Variants in RBBP5 observed in about 807,000 individuals in gnomAD.
The protein encoded by RBBP5 is RB binding protein 5, histone lysine methyltransferase complex subunit, also known as retinoblastoma-binding protein 5.
In RBBP5, 5 loss-of-function variants were observed where a neutral mutation model predicts 72.2. The ratio of observed to expected loss-of-function variants is 0.07; its 90% CI spans 0.04 to 0.15. RBBP5 has a LOEUF of 0.15. RBBP5 is among the 10% of genes least tolerant of loss of function. The pLI, the probability that RBBP5 is intolerant of heterozygous loss-of-function variation, is 1.00. For missense variants in RBBP5, 322 were observed against 652.2 expected, an observed-to-expected ratio of 0.49 and a Z score of 5.51; for synonymous variants, 209 against 237.2, an observed-to-expected ratio of 0.88 and a Z score of 1.09.
chr1:205,089,763 C>CA (rs1230228928), intron 13 of RBBP5, among the ~76,000 whole-genome samples: 1 of 152,196 alleles, frequency 6.6e-6, no homozygotes, highest in Non-Finnish European at 1.5e-5. Context: ...ATAGTTCAGT[C>CA]AGATTAAAAG....
chr1:205,095,122 C>T (rs1047865844), intron 12 of RBBP5, 58 bp from the exon 13 acceptor site: 49 of 1,517,242 alleles, frequency 3.2e-5, no homozygotes, highest in Non-Finnish European at 4.4e-5. Context: ...ATCACCCCAA[C>T]CACAACTTTG....
intron 5 of RBBP5, 80 bp downstream of exon 5, chr1:205,103,776 CA>C: frequency 6.6e-7 from 1 of 1,522,610 alleles, no homozygotes; most frequent in Non-Finnish European, 9.0e-7. Context: ...AGAATAAAAA[CA>C]ATTTTCAAAA....
At chr1:205,114,105 C>T (rs1439402442) in intron 3 of RBBP5, among the ~76,000 whole-genome samples, 1 of 152,226 alleles carries the variant, frequency 6.6e-6, no homozygotes, top group Non-Finnish European at 1.5e-5. Flanking sequence ...AAAGTTTTGG[C>T]CCAGGCCACC....
chr1:205,091,284 T>G (rs1292702760), intron 13 of RBBP5: 3 of 152,274 alleles, frequency 2.0e-5, no homozygotes, highest in Non-Finnish European at 4.4e-5. Flanking sequence ...GTGATTCTGC[T>G]CACATCTCAA....
intron 3 of RBBP5, among the ~76,000 whole-genome samples, chr1:205,111,365 C>T (rs1452513184): frequency 2.6e-5 from 4 of 152,172 alleles, no homozygotes; most frequent in Non-Finnish European, 4.4e-5. Flanking sequence ...AAGGTTTGTA[C>T]TCAAACAGCA....
At chr1:205,102,604 G>A (rs1655879522) in intron 5 of RBBP5, among the ~76,000 whole-genome samples, 1 of 152,180 alleles carries the variant, frequency 6.6e-6, no homozygotes, top group African/African-American at 2.4e-5. Flanking sequence ...TTGCACAATA[G>A]AGTGAATGTA....
intron 13 of RBBP5, among the ~76,000 whole-genome samples, chr1:205,089,250 C>T (rs1026793068): frequency 1.3e-5 from 2 of 152,156 alleles, no homozygotes; most frequent in African/African-American, 2.4e-5. Context: ...GCAAGAAACC[C>T]TTTTCCCAGC....
intron 5 of RBBP5, among the ~76,000 whole-genome samples, chr1:205,102,933 C>T (rs944211931): frequency 2.7e-5 from 4 of 147,742 alleles, no homozygotes; most frequent in African/African-American, 7.5e-5. Flanking sequence ...GGAGAGGTTG[C>T]GGTGAACTGA....
At chr1:205,090,962 A>C (rs1655324483) in intron 13 of RBBP5, among the ~76,000 whole-genome samples, 1 of 152,140 alleles carries the variant, frequency 6.6e-6, no homozygotes, top group Admixed American at 6.5e-5. Context: ...AGATTCAGTA[A>C]GTGACTTGGA....
At chr1:205,090,172 C>T (rs1243573467) in intron 13 of RBBP5, among the ~76,000 whole-genome samples, 1 of 152,150 alleles carries the variant, frequency 6.6e-6, no homozygotes, top group East Asian at 1.9e-4. Context: ...TTTTAAAAAA[C>T]TTCCTGTGAT....
chr1:205,088,101 T>C lies in RBBP5; in HGVS notation c.*686A>G, dbSNP rs1344327825. 3 of 152,164 alleles carry C rather than the reference T, an allele frequency of 2.0e-5. No homozygotes were observed. The highest frequency in any genetic ancestry group is 4.4e-5 in the Non-Finnish European group (3 of 68,042). 9.4% of individuals were successfully genotyped at this position (152,164 alleles called of 1,614,324 possible). A position where few individuals can be genotyped will look rare whatever the true frequency, so the allele number is the denominator to read the frequency against. On this transcript the variant is annotated 3_prime_UTR_variant, in exon 14 of 14. Coordinates refer to ENST00000264515, the MANE Select transcript of RBBP5 (RefSeq NM_005057.4). Reference sequence around the variant, plus strand: ...CTTCAAAAACCATGATTGATGACAATGAACCAATATTGGAGGGAAACATGC... The same window carrying C: ...CTTCAAAAACCATGATTGATGACAACGAACCAATATTGGAGGGAAACATGC...
At chr1:205,119,997 C>T (rs1442077066) in intron 1 of RBBP5, among the ~76,000 whole-genome samples, 1 of 152,178 alleles carries the variant, frequency 6.6e-6, no homozygotes, top group Non-Finnish European at 1.5e-5. Context: ...AGACCACATT[C>T]AGCTTCTCCA....
In RBBP5 at chr1:205,099,869, T is replaced by G. The variant is rs765338978; in HGVS notation, c.906+42A>C. On this transcript the variant is annotated intron_variant, in intron 8 of 13. Transcript: ENST00000264515. This position sits in a 1 kb window ranked among gnomAD's most constrained non-coding sequence, Gnocchi z 4.7. ...TGTTAAGAACAGATTTTAGATTTTT[T>G]GGATTATGTGACTAACAAAAGCAAT... 6.2e-7 allele frequency: 1 copy of G among 1,613,632 alleles called. No individual in the cohort carries two copies.
intron 1 of RBBP5, among the ~76,000 whole-genome samples, chr1:205,119,021 T>C (rs1216101812): frequency 1.3e-5 from 2 of 152,246 alleles, no homozygotes; most frequent in Admixed American, 1.3e-4. Flanking sequence ...TTTCTCACTT[T>C]AAAATGCAGA....
At chr1:205,095,786 T>C (rs1344455844) in intron 12 of RBBP5, among the ~76,000 whole-genome samples, 1 of 152,210 alleles carries the variant, frequency 6.6e-6, no homozygotes, top group African/African-American at 2.4e-5. Context: ...AGGGTTGATG[T>C]AAAAGTCAGC....
chr1:205,120,819 C>T (rs554417752), intron 1 of RBBP5, among the ~76,000 whole-genome samples: 1 of 152,140 alleles, frequency 6.6e-6, no homozygotes, highest in South Asian at 2.1e-4. Context: ...TCCAACTCCT[C>T]CACAGGTTTG....
chr1:205,108,304 C>T (rs371153887), intron 3 of RBBP5, among the ~76,000 whole-genome samples: 2 of 151,754 alleles, frequency 1.3e-5, no homozygotes, highest in East Asian at 3.9e-4. Context: ...CACATTTTAA[C>T]ACTGTCTTAT....
intron 13 of RBBP5, 103 bp downstream of exon 13, chr1:205,094,770 C>T (rs769989844): frequency 4.1e-5 from 52 of 1,271,250 alleles, no homozygotes; most frequent in African/African-American, 3.0e-4. Flanking sequence ...CTGGGAAAAA[C>T]GAGGGAAGAG....
chr1:205,090,718 A>C, intron 13 of RBBP5, among the ~76,000 whole-genome samples: 1 of 152,212 alleles, frequency 6.6e-6, no homozygotes, highest in Admixed American at 6.5e-5. Flanking sequence ...TTCCAGTAGC[A>C]GCCCAATCTA....
Sources: allele counts gnomAD v4.1 joint callset (sites outside exome capture counted in the v4.1 genomes callset), GRCh38; gene constraint gnomAD v4.1.1; non-coding constraint Gnocchi (gnomAD v3.1); transcripts MANE v1.5; gene names NCBI Gene and HGNC (gene_info 2026-07-23, HGNC 2026-07-21).